Variants in NOTCH3 observed in about 807,000 individuals in gnomAD.
NOTCH3 encodes notch receptor 3.
Under a neutral mutation model 213.3 loss-of-function variants are expected in NOTCH3, and 86 were observed. The ratio of observed to expected loss-of-function variants is 0.40; its 90% CI spans 0.34 to 0.48. The LOEUF (loss-of-function observed/expected upper bound fraction) is 0.48. NOTCH3 is among the 20% of genes least tolerant of loss of function. NOTCH3 has a pLI of 0.57. For synonymous variants in NOTCH3, 1,354 were observed against 1,355.9 expected (o/e 1.00, Z 0.03); for missense variants, 2,783 against 3,272.6 (o/e 0.85, Z 3.65).
intron 2 of NOTCH3, 46 bp downstream of exon 2, chr19:15,197,454 G>GCCCCCCCCCCCC: frequency 2.1e-6 from 1 of 476,654 alleles, no homozygotes; most frequent in Non-Finnish European, 4.0e-6. Flanking sequence ...CCTCCCCCCC[G>GCCCCCCCCCCCC]CCCCCACACA....
Position 15,177,727 on chromosome 19 carries a change from A to C in NOTCH3, c.4201T>G (p.Cys1401Gly). The C allele has an allele frequency of 2.0e-6, 3 of 1,512,464 alleles. No individual in the cohort carries two copies. Among genetic ancestry groups the C allele is most frequent in the Non-Finnish European group, 2.6e-6 (3 of 1,137,058 alleles). 93.7% of individuals were successfully genotyped at this position (1,512,464 alleles called of 1,614,324 possible). Reference protein sequence around the residue: ...ACQAKRGDQRCDRECNSPGCG... With the variant: ...ACQAKRGDQRGDRECNSPGCG... ...CCTGGGCTGTTGCACTCGCGGTCGC[A>C]GCGCTGGTCCCCGCGCTTGGCCTGG... Residue 1401 changes from cysteine (C) to glycine (G), a missense_variant, in exon 24 of 33, where the codon TGC becomes GGC. By Grantham distance (159) the Cys-to-Gly change is radical (BLOSUM62 -3). Around this residue, in one of 6 missense-constraint regions of NOTCH3, gnomAD observed 133 missense variants for 201.9 expected, o/e 0.66. Transcript: ENST00000263388.
At chr19:15,169,186 G>GTCTCCCTC (rs1555726049) in intron 28 of NOTCH3, among the ~76,000 whole-genome samples, 1 of 146,656 alleles carries the variant, frequency 6.8e-6, no homozygotes, top group African/African-American at 2.6e-5. Flanking sequence ...TGTCAAATCT[G>GTCTCCCTC]TCTCTCTCTC....
At chr19:15,178,144 G>A (rs2046808352) in intron 23 of NOTCH3, 54 bp from the exon 24 acceptor site, 5 of 1,107,840 alleles carry the variant, frequency 4.5e-6, no homozygotes, top group Non-Finnish European at 6.5e-6. Context: ...GGAGTGGAGG[G>A]AAGGAGGAGA....
At chr19:15,169,111 T>A (rs1181885093) in intron 28 of NOTCH3, among the ~76,000 whole-genome samples, 5 of 151,750 alleles carry the variant, frequency 3.3e-5, no homozygotes, top group Non-Finnish European at 7.4e-5. Context: ...ATTAAGGTTA[T>A]ATGAGGTTAT....
At chr19:15,169,097 G>A (rs2046708408) in intron 28 of NOTCH3, among the ~76,000 whole-genome samples, 1 of 151,406 alleles carries the variant, frequency 6.6e-6, no homozygotes, top group Non-Finnish European at 1.5e-5. Context: ...CCTTTAAGGA[G>A]GTAATTAAGG....
rs1177819313 is a variant in NOTCH3 at position 15,200,805 on chromosome 19, G to A, written c.101C>T (p.Ala34Val). ...CCCCTCACCTGCAGCCCCCGGCCCC[G>A]CTAGCAGCAGCAGCAGGGGCAGCGC... is the stretch of plus-strand genomic sequence containing the variant. Reference protein sequence around the residue: ...VRALPLLLLLAGPGAAAPPCL... With the variant: ...VRALPLLLLLVGPGAAAPPCL... Residue 34 changes from alanine to valine, a missense_variant, in exon 1 of 33, where the codon GCG becomes GTG. Ala to Val is a moderately conservative substitution (Grantham distance 64, BLOSUM62 0). Coordinates refer to ENST00000263388, the MANE Select transcript of NOTCH3 (RefSeq NM_000435.3). The A allele has an allele frequency of 7.9e-7, 1 of 1,266,110 alleles. No homozygotes were observed. 78.4% of individuals were successfully genotyped at this position (1,266,110 alleles called of 1,614,324 possible).
At chr19:15,174,730 C>T (rs1043844653) in intron 24 of NOTCH3, among the ~76,000 whole-genome samples, 3 of 151,966 alleles carry the variant, frequency 2.0e-5, no homozygotes, top group Non-Finnish European at 4.4e-5. Flanking sequence ...TGCACCACCA[C>T]GCCCGTCTAA....
Position 15,179,431 on chromosome 19 carries a change from G to T in NOTCH3, c.3393C>A (p.Cys1131Ter). Reference protein sequence around the residue: ...DDVDECASQPCQHGGSCIDLV... With the variant: ...DDVDECASQP ...GGTCAATGCATGAACCCCCGTGCTGGCAGGGCTGGGAGGCACACTCGTCCA... is the reference window on the plus strand; with the variant it reads ...GGTCAATGCATGAACCCCCGTGCTGTCAGGGCTGGGAGGCACACTCGTCCA... Residue 1131 changes from cysteine (C) to a stop codon, truncating the protein, a stop_gained, in exon 21 of 33, where the codon TGC becomes TGA. Coordinates refer to ENST00000263388, the MANE Select transcript of NOTCH3 (RefSeq NM_000435.3). LOFTEE classifies it high-confidence loss of function. The T allele has an allele frequency of 6.2e-7, 1 of 1,614,090 alleles. No individual in the cohort carries two copies. The highest frequency in any genetic ancestry group is 2.2e-5 in the East Asian group (1 of 44,860).
Position 15,191,565 on chromosome 19 carries a change from T to G in NOTCH3, c.895A>C (p.Ser299Arg). The G allele has an allele frequency of 6.2e-7, 1 of 1,613,682 alleles. No individual in the cohort carries two copies. Among genetic ancestry groups the G allele is most frequent in the Non-Finnish European group, 8.5e-7 (1 of 1,180,030 alleles). Reference sequence around the variant, plus strand: ...GTCCAGCCATTGACACACACGCAGCTGTGGCCACCCAGCGTGTTGAAGCAG... The same window carrying G: ...GTCCAGCCATTGACACACACGCAGCGGTGGCCACCCAGCGTGTTGAAGCAG... ...GTCFNTLGGH[S>R]CVCVNGWTGE... The change falls in exon 6 of 33, where the codon AGC becomes CGC. Residue 299 changes from serine (S) to arginine (R), a missense_variant. By Grantham distance (110) the Ser-to-Arg change is moderately radical. Around this residue, in one of 6 missense-constraint regions of NOTCH3, gnomAD observed 708 missense variants for 906.6 expected, o/e 0.78. Transcript: ENST00000263388.
chr19:15,170,822 C>T lies in NOTCH3; in HGVS notation c.4740G>A (p.Ser1580=), dbSNP rs1251484580. The T allele has an allele frequency of 6.2e-7, 1 of 1,613,200 alleles. No homozygotes were observed. The highest frequency in any genetic ancestry group is 1.1e-5 in the South Asian group (1 of 90,894). ...RRELAPEVIG[S]VVMLEIDNRL... ...GGTTGTCAATCTCCAGCATTACTAC[C>T]GAGCTGCAGGGACAGCAGGGAGGGA... The change falls in exon 26 of 33, where the codon TCG becomes TCA. Residue 1580 remains serine, a synonymous_variant. Coordinates refer to ENST00000263388, the MANE Select transcript of NOTCH3 (RefSeq NM_000435.3).
intron 25 of NOTCH3, among the ~76,000 whole-genome samples, chr19:15,173,758 AG>A (rs1328264920): frequency 7.7e-4 from 2 of 2,594 alleles, no homozygotes; most frequent in African/African-American, 6.7e-3. Flanking sequence ...AAGAAGGAGA[AG>A]GAGAAGGAGA....
chr19:15,199,955 G>C (rs2046998468), intron 1 of NOTCH3, among the ~76,000 whole-genome samples: 1 of 151,894 alleles, frequency 6.6e-6, no homozygotes, highest in African/African-American at 2.4e-5. Context: ...GTCCCGCTTT[G>C]TCTGGCAAAG....
At chr19:15,170,204 G>A (rs1275798257) in intron 27 of NOTCH3, 34 bp from the exon 28 acceptor site, 16 of 1,536,612 alleles carry the variant, frequency 1.0e-5, no homozygotes, top group Non-Finnish European at 1.4e-5. Context: ...ATGTGAGGGG[G>A]ACACTAGAGG....
intron 31 of NOTCH3, among the ~76,000 whole-genome samples, chr19:15,164,644 G>A (rs2046671377): frequency 6.6e-6 from 1 of 151,628 alleles, no homozygotes; most frequent in Admixed American, 6.6e-5. Flanking sequence ...GTCACTATAT[G>A]TGGCCAGTGG....
intron 16 of NOTCH3, among the ~76,000 whole-genome samples, chr19:15,183,773 G>A (rs551591134): frequency 1.2e-4 from 18 of 152,144 alleles, no homozygotes; most frequent in African/African-American, 4.3e-4. Flanking sequence ...CACTTAGGTC[G>A]GGTGTGGTTG....
At chr19:15,180,050 C>G (rs758398917) in intron 20 of NOTCH3, 22 bp downstream of exon 20, 5 of 1,565,288 alleles carry the variant, frequency 3.2e-6, no homozygotes, top group Non-Finnish European at 3.5e-6. Flanking sequence ...CCTCTTCCCT[C>G]TCCTGGGGAG....
At chr19:15,200,351 C>T (rs1014079110) in intron 1 of NOTCH3, among the ~76,000 whole-genome samples, 6 of 151,656 alleles carry the variant, frequency 4.0e-5, no homozygotes, top group Admixed American at 1.3e-4. Context: ...CCCCGCCTGG[C>T]CCAGCCCGCC....
intron 32 of NOTCH3, 173 bp downstream of exon 32, chr19:15,162,292 A>G (rs1166949309): frequency 3.2e-6 from 2 of 623,264 alleles, no homozygotes; most frequent in East Asian, 5.6e-5. Context: ...ATTAGGCACA[A>G]AATTTAAGGG....
rs36233245 is a variant in NOTCH3 at position 15,186,379 on chromosome 19, ATGTGTGTGTGTGTGTGTG to A, written c.1951+481_1951+498del. ...GAATAATCTTTTTGTTTGTTTTTGT[ATGTGTGTGTGTGTGTGTG>A]TGTGTGTGTGTGTGTGTGTGTGTTT... On this transcript the variant is annotated intron_variant, in intron 12 of 32. Coordinates refer to ENST00000263388, the MANE Select transcript of NOTCH3 (RefSeq NM_000435.3). Among the ~76,000 whole-genome samples, 600 of 138,580 alleles carry A rather than the reference ATGTGTGTGTGTGTGTGTG, an allele frequency of 4.3e-3. 7 individuals carry two copies. The highest frequency in any genetic ancestry group is 0.014 in the African/African-American group (526 of 36,344). The allele number at this position is 138,580 out of a possible 152,430, so 90.9% of individuals were successfully genotyped here. A position where few individuals can be genotyped will look rare whatever the true frequency, so the allele number is the denominator to read the frequency against.
Sources: gnomAD v4.1 joint callset for allele counts (sites outside exome capture counted in the v4.1 genomes callset) on GRCh38, gnomAD v4.1.1 for gene constraint, gnomAD v4.1.1 regional missense constraint, MANE v1.5 for transcripts, NCBI Gene and HGNC (gene_info 2026-07-23, HGNC 2026-07-21) for gene names.